The following PLCL1 variants were observed in gnomAD, a reference collection of about 807,000 sequenced individuals.
PLCL1 encodes inactive phospholipase C-like protein 1.
A neutral mutation model predicts 84.4 loss-of-function variants in PLCL1; 41 were observed. The ratio of observed to expected loss-of-function variants is 0.49; its 90% confidence interval spans 0.38 to 0.63. The LOEUF (loss-of-function observed/expected upper bound fraction) is 0.63. Ranked by LOEUF, PLCL1 falls within the 30% of genes least tolerant of loss-of-function variation. The pLI is 0.00. For synonymous variants in PLCL1, 490 were observed against 488.3 expected, an observed-to-expected ratio of 1.00 and a Z score of -0.05; for missense variants, 1,206 against 1,367.8, an observed-to-expected ratio of 0.88 and a Z score of 1.87.
At chr2:197,962,388 G>C (rs928971161) in intron 1 of PLCL1, among the ~76,000 whole-genome samples, 2 of 152,108 alleles carry the variant, frequency 1.3e-5, no homozygotes, top group African/African-American at 4.8e-5. Context: ...CTTCAACTCA[G>C]AGTTCTTCTG....
intron 1 of PLCL1, among the ~76,000 whole-genome samples, chr2:197,976,781 A>G (rs1441091594): frequency 6.6e-6 from 1 of 152,122 alleles, no homozygotes; most frequent in Non-Finnish European, 1.5e-5. Flanking sequence ...CTTGCTCCTT[A>G]TAGGCACAAC....
At position 197,805,772 on chromosome 2, in the gene PLCL1, A is replaced by G. The variant is rs1026831848; in HGVS notation, c.240+433A>G. ...TCAAGTGTAAAAAAAGAATCCCTCT[A>G]GACTTAAATGATCCCGAAATCCCAA... is the stretch of plus-strand genomic sequence containing the variant. On this transcript the variant is annotated intron_variant, in intron 1 of 5. Coordinates refer to ENST00000428675, the MANE Select transcript of PLCL1 (RefSeq NM_006226.4). The surrounding 1 kb of genome is among the most constrained non-coding windows in gnomAD (Gnocchi z 4.0). Among the ~76,000 whole-genome samples, 1 of 152,244 alleles carries G rather than the reference A, an allele frequency of 6.6e-6. No homozygotes were observed. The highest frequency in any genetic ancestry group is 1.5e-5 in the Non-Finnish European group (1 of 68,040).
chr2:197,982,122 T>A (rs538679844), intron 1 of PLCL1, among the ~76,000 whole-genome samples: 2 of 151,744 alleles, frequency 1.3e-5, no homozygotes, highest in East Asian at 3.9e-4. Context: ...ATAATTCAAT[T>A]TGATTTACTG....
chr2:198,086,093 G>C lies in PLCL1; in HGVS notation c.2576G>C (p.Arg859Pro). 1 of 1,613,996 alleles carries C rather than the reference G, an allele frequency of 6.2e-7. No homozygotes were observed. Among genetic ancestry groups the C allele is most frequent in the Middle Eastern group, 1.7e-4 (1 of 6,060 alleles). The change falls in exon 2 of 6, where the codon CGC (arginine) becomes CCC (proline). Residue 859 changes from arginine to proline, a missense_variant. Arg to Pro is a moderately radical substitution (Grantham distance 103). Coordinates refer to ENST00000428675, the MANE Select transcript of PLCL1 (RefSeq NM_006226.4). Reference sequence around the variant, plus strand: ...AGTGGAGGAGGAAAGGCACAGAAGCGCAGTCTTTCAGTGAGAATGGGGAAG... The same window carrying C: ...AGTGGAGGAGGAAAGGCACAGAAGCCCAGTCTTTCAGTGAGAATGGGGAAG... ...NRSGGGKAQKRSLSVRMGKKV... is the reference protein window; with the variant it reads ...NRSGGGKAQKPSLSVRMGKKV...
intron 1 of PLCL1, among the ~76,000 whole-genome samples, chr2:197,833,599 A>T (rs373835386): frequency 6.6e-6 from 1 of 152,196 alleles, no homozygotes; most frequent in East Asian, 1.9e-4. Context: ...AGAATAAAAT[A>T]CACAGGAATA....
intron 3 of PLCL1, among the ~76,000 whole-genome samples, chr2:198,099,657 A>C (rs982809083): frequency 6.6e-6 from 1 of 152,174 alleles, no homozygotes; most frequent in African/African-American, 2.4e-5. Context: ...AATCTCAAAC[A>C]GAAGCTTGTT....
intron 1 of PLCL1, among the ~76,000 whole-genome samples, chr2:198,068,318 A>G (rs1692366564): frequency 1.3e-5 from 2 of 152,354 alleles, no homozygotes; most frequent in South Asian, 4.1e-4. Context: ...TGAGATCTAA[A>G]AGATGAAACA....
rs552759223 is a variant in PLCL1 at position 198,146,734 on chromosome 2, T to C, written c.3106-46T>C. On this transcript the variant is annotated intron_variant, in intron 5 of 5. Coordinates refer to ENST00000428675, the MANE Select transcript of PLCL1 (RefSeq NM_006226.4). The stretch of plus-strand genomic sequence containing the variant: ...AGAGTGATGTCACTCAGCACATGCC[T>C]GGCCCATAACTGTCTTCTTTGATGC... The C allele has an allele frequency of 3.5e-5, 54 of 1,523,994 alleles. 1 individual carries two copies. The South Asian group carries it at 5.9e-4, about 17-fold the overall frequency. 94.4% of individuals were successfully genotyped at this position (1,523,994 alleles called of 1,614,324 possible).
chr2:197,983,212 T>C (rs1456363272), intron 1 of PLCL1, among the ~76,000 whole-genome samples: 3 of 14,122 alleles, frequency 2.1e-4, no homozygotes, highest in African/African-American at 1.1e-3. Context: ...TTTTTTTTTT[T>C]TTTTTTTTTT....
chr2:197,828,378 A>G (rs1049624622), intron 1 of PLCL1, among the ~76,000 whole-genome samples: 1 of 152,128 alleles, frequency 6.6e-6, no homozygotes, highest in Admixed American at 6.6e-5. Flanking sequence ...TAAAAAGCAC[A>G]AAACATTTTA....
chr2:197,805,452 A>G lies in PLCL1; in HGVS notation c.240+113A>G. The G allele has an allele frequency of 1.0e-6, 1 of 974,348 alleles. No homozygotes were observed. The highest frequency in any genetic ancestry group is 1.7e-5 in the African/African-American group (1 of 59,290). 60.4% of individuals were successfully genotyped at this position (974,348 alleles called of 1,614,324 possible). ...TCCGGGCTCAGCATTGTTTTCTCCC[A>G]CCTCCTTCAACGCCAAACCTTCCTT... On this transcript the variant is annotated intron_variant, in intron 1 of 5. Transcript: ENST00000428675. The surrounding 1 kb of genome is among the most constrained non-coding windows in gnomAD (Gnocchi z 4.0).
At chr2:197,806,131 G>A (rs79768467) in intron 1 of PLCL1, among the ~76,000 whole-genome samples, 188 of 152,278 alleles carry the variant, frequency 1.2e-3, no homozygotes, top group African/African-American at 4.2e-3. Flanking sequence ...TTGGGGTAAG[G>A]TTATTTAGGA....
chr2:198,041,368 A>C (rs1398083498), intron 1 of PLCL1, among the ~76,000 whole-genome samples: 1 of 149,300 alleles, frequency 6.7e-6, no homozygotes, highest in African/African-American at 2.5e-5. Context: ...TAAGTAGACA[A>C]TGTTCTGTTT....
chr2:197,924,724 C>T (rs1326268457), intron 1 of PLCL1, among the ~76,000 whole-genome samples: 1 of 151,920 alleles, frequency 6.6e-6, no homozygotes, highest in Non-Finnish European at 1.5e-5. Context: ...TTGAATTTAG[C>T]ATCCTTCTTA....
intron 1 of PLCL1, among the ~76,000 whole-genome samples, chr2:198,025,556 A>T (rs922955213): frequency 6.6e-6 from 1 of 152,162 alleles, no homozygotes; most frequent in East Asian, 1.9e-4. Context: ...CTGATCAGGT[A>T]ATCTGAATGT....
chr2:198,125,203 C>T (rs1693957028), intron 5 of PLCL1, among the ~76,000 whole-genome samples: 1 of 152,046 alleles, frequency 6.6e-6, no homozygotes, highest in South Asian at 2.1e-4. Context: ...TGGCTGCAGG[C>T]CATAGTATAA....
In PLCL1 at chr2:198,045,863, A is replaced by C. The variant is rs534219131; in HGVS notation, c.241-37895A>C. Among the ~76,000 whole-genome samples the C allele has an allele frequency of 3.3e-4, 51 of 152,352 alleles. No individual in the cohort carries two copies. In the South Asian group the frequency reaches 0.011, roughly 32 times the overall value. On this transcript the variant is annotated intron_variant, in intron 1 of 5. Transcript: ENST00000428675. ...TATTTTTGAAATAAAATCCTCAGGG[A>C]TGTTGGAAGTGAGCCCTAACAGGGT...
chr2:197,901,788 C>A (rs1688273763), intron 1 of PLCL1, among the ~76,000 whole-genome samples: 1 of 152,098 alleles, frequency 6.6e-6, no homozygotes, highest in Non-Finnish European at 1.5e-5. Flanking sequence ...ATCACTTATT[C>A]CAATAAGTTT....
At chr2:197,933,556 T>C (rs567768574) in intron 1 of PLCL1, among the ~76,000 whole-genome samples, 1 of 152,350 alleles carries the variant, frequency 6.6e-6, no homozygotes, top group South Asian at 2.1e-4. Context: ...TGCAAATCTT[T>C]AGCTATATTA....
Sources: allele counts gnomAD v4.1 joint callset (sites outside exome capture counted in the v4.1 genomes callset), GRCh38; gene constraint gnomAD v4.1.1; non-coding constraint Gnocchi (gnomAD v3.1); transcripts MANE v1.5; gene names NCBI Gene and HGNC (gene_info 2026-07-23, HGNC 2026-07-21).